SYN1: variants seen among roughly 807,000 people sequenced by gnomAD.
SYN1 encodes synapsin-1.
In SYN1, 8 loss-of-function variants were observed where a neutral mutation model predicts 44.6. The ratio of observed to expected loss-of-function variants is 0.18; its 90% CI spans 0.11 to 0.32. The LOEUF (loss-of-function observed/expected upper bound fraction) is 0.32. SYN1 is among the 10% of genes least tolerant of loss of function. The pLI is 1.00. For missense variants in SYN1, 451 were observed against 639.4 expected, an observed-to-expected ratio of 0.71 and a Z score of 3.18; for synonymous variants, 275 against 280.1, an observed-to-expected ratio of 0.98 and a Z score of 0.18.
At chrX:47,607,561 G>A (rs2057901643) in intron 1 of SYN1, among the ~76,000 whole-genome samples, 1 of 109,850 alleles carries the variant, frequency 9.1e-6, no homozygotes, top group Non-Finnish European at 1.9e-5. Flanking sequence ...CATGGAGACC[G>A]GTAAACAGCA....
At chrX:47,618,378 T>TA (rs2147932857) in intron 1 of SYN1, among the ~76,000 whole-genome samples, 1 of 111,920 alleles carries the variant, frequency 8.9e-6, no homozygotes, top group South Asian at 3.7e-4. Flanking sequence ...AGGCAGTTGA[T>TA]AAATGCTAGA....
At chrX:47,577,364 C>T (rs1055080061) in intron 6 of SYN1, 75 bp downstream of exon 6, 33 of 1,059,039 alleles carry the variant, frequency 3.1e-5, no homozygotes, top group African/African-American at 7.5e-5. Context: ...CCCCAGGAGA[C>T]GCGATCACAC....
chrX:47,582,989 C>T (rs1447071889), intron 5 of SYN1, among the ~76,000 whole-genome samples: 8 of 91,513 alleles, frequency 8.7e-5, no homozygotes, highest in Admixed American at 7.3e-4. Context: ...CTCAACCTCC[C>T]TAAATTCCCC....
intron 5 of SYN1, among the ~76,000 whole-genome samples, chrX:47,590,567 G>A (rs2057844572): frequency 8.9e-6 from 1 of 112,309 alleles, no homozygotes; most frequent in Admixed American, 9.4e-5. Flanking sequence ...TGGTCCTTGG[G>A]ACATGGCCTC....
Position 47,576,500 on chromosome X carries a change from G to A in SYN1, c.978C>T (p.Tyr326=), listed in dbSNP as rs898425160. 8 of 1,210,547 alleles carry A rather than the reference G, an allele frequency of 6.6e-6. No individual in the cohort carries two copies. The highest frequency in any genetic ancestry group is 2.3e-4 in the Middle Eastern group (1 of 4,373). ...AGGGCTTTGGTCTCTCCACTCACATGTAGGCCTTGTAGTTCTGCCCAATCT... is the reference window on the plus strand; with the variant it reads ...AGGGCTTTGGTCTCTCCACTCACATATAGGCCTTGTAGTTCTGCCCAATCT... ...VQKIGQNYKA[Y]MRTSVSGNWK... Residue 326 remains tyrosine (Y), a splice_region_variant and synonymous_variant, in exon 7 of 13, where the codon TAC becomes TAT. Coordinates refer to ENST00000295987, the MANE Select transcript of SYN1 (RefSeq NM_006950.3).
chrX:47,575,589 G>A (rs759253980), intron 9 of SYN1, among the ~76,000 whole-genome samples: 20 of 112,521 alleles, frequency 1.8e-4, no homozygotes, highest in African/African-American at 6.1e-4. Flanking sequence ...TATAACATGC[G>A]AAAATGGCAT....
At chrX:47,590,073 A>C (rs944008878) in intron 5 of SYN1, 18 of 110,509 alleles carry the variant, frequency 1.6e-4, no homozygotes, top group African/African-American at 5.6e-4. Flanking sequence ...CGAGACCCAA[A>C]AGCTCCTGAT....
At position 47,605,064 on chromosome X, in the gene SYN1, C is replaced by A; in HGVS notation, c.688G>T (p.Ala230Ser). 1 of 1,210,925 alleles carries A rather than the reference C, an allele frequency of 8.3e-7. No individual in the cohort carries two copies. The highest frequency in any genetic ancestry group is 1.1e-6 in the Non-Finnish European group (1 of 894,737). Reference protein sequence around the residue: ...YNFCDKPWVFAQMVRLHKKLG... With the variant: ...YNFCDKPWVFSQMVRLHKKLG... ...TTCTTATGCAGTCGAACCATCTGGG[C>A]AAACTATGAGAACCAGGAGAGCTGG... The change falls in exon 5 of 13, where the codon GCC (alanine) becomes TCC (serine). Residue 230 changes from alanine to serine, a missense_variant. By Grantham distance (99) the Ala-to-Ser change is moderately conservative. Transcript: ENST00000295987.
At chrX:47,593,355 G>C (rs1289383179) in intron 5 of SYN1, among the ~76,000 whole-genome samples, 2 of 104,800 alleles carry the variant, frequency 1.9e-5, no homozygotes, top group Non-Finnish European at 3.9e-5. Context: ...CTCAACCTCT[G>C]CCTCCTGGGT....
At chrX:47,593,280 T>C (rs759161643) in intron 5 of SYN1, among the ~76,000 whole-genome samples, 1 of 108,384 alleles carries the variant, frequency 9.2e-6, no homozygotes, top group East Asian at 2.9e-4. Context: ...TGCTTTTTTT[T>C]TTTTTTTGAG....
intron 5 of SYN1, among the ~76,000 whole-genome samples, chrX:47,590,511 G>C (rs2057844325): frequency 1.8e-5 from 2 of 112,298 alleles, no homozygotes; most frequent in African/African-American, 6.5e-5. Context: ...TTGAGACTTG[G>C]GGATCATAGC....
chrX:47,601,676 C>T (rs1425922427), intron 5 of SYN1, among the ~76,000 whole-genome samples: 1 of 112,148 alleles, frequency 8.9e-6, no homozygotes. Flanking sequence ...TTCTATGAGG[C>T]CAGTATTATC....
At chrX:47,579,989 T>A (rs2147915290) in intron 5 of SYN1, among the ~76,000 whole-genome samples, 1 of 108,803 alleles carries the variant, frequency 9.2e-6, no homozygotes, top group Admixed American at 9.8e-5. Flanking sequence ...CACAGGGATA[T>A]TGTGAGAAAT....
At chrX:47,602,738 C>T (rs1458883474) in intron 5 of SYN1, among the ~76,000 whole-genome samples, 2 of 111,491 alleles carry the variant, frequency 1.8e-5, no homozygotes, top group African/African-American at 6.5e-5. Context: ...ATTTGTAGTA[C>T]TGGTAAGAAT....
At chrX:47,592,241 G>A (rs1259376906) in intron 5 of SYN1, among the ~76,000 whole-genome samples, 1 of 110,915 alleles carries the variant, frequency 9.0e-6, no homozygotes, top group East Asian at 2.8e-4. Flanking sequence ...AGGAGGCTGA[G>A]GTAGAAGGAT....
intron 3 of SYN1, among the ~76,000 whole-genome samples, 200 bp downstream of exon 3, chrX:47,606,744 TA>T (rs2057898462): frequency 2.0e-5 from 2 of 99,951 alleles, no homozygotes; most frequent in African/African-American, 8.1e-5. Context: ...TATATATATA[TA>T]TATATATTTT....
intron 9 of SYN1, among the ~76,000 whole-genome samples, chrX:47,575,537 G>A (rs2147912853): frequency 8.9e-6 from 1 of 112,142 alleles, no homozygotes; most frequent in South Asian, 3.7e-4. Context: ...GCTAAGGATG[G>A]GTCTTTAAAT....
intron 1 of SYN1, among the ~76,000 whole-genome samples, chrX:47,617,129 C>A (rs2057933561): frequency 9.0e-6 from 1 of 111,440 alleles, no homozygotes; most frequent in Non-Finnish European, 1.9e-5. Context: ...CCCACACTTT[C>A]ATGGAAAGGA....
At chrX:47,604,043 G>T (rs1349161973) in intron 5 of SYN1, among the ~76,000 whole-genome samples, 4 of 108,108 alleles carry the variant, frequency 3.7e-5, no homozygotes, top group Non-Finnish European at 7.7e-5. Flanking sequence ...AGGTAGCTGG[G>T]ATTACAGGCA....
Sources: allele counts gnomAD v4.1 joint callset (sites outside exome capture counted in the v4.1 genomes callset), GRCh38; gene constraint gnomAD v4.1.1; transcripts MANE v1.5; gene names NCBI Gene and HGNC (gene_info 2026-07-23, HGNC 2026-07-21).